DLG2: variants seen among roughly 807,000 people sequenced by gnomAD.
DLG2 encodes discs large MAGUK scaffold protein 2.
A neutral mutation model predicts 132.5 loss-of-function variants in DLG2; 45 were observed. That is an observed-to-expected ratio of 0.34 (90% CI 0.27 to 0.44). DLG2 has a LOEUF of 0.44. DLG2 is among the 20% of genes least tolerant of loss of function. The pLI is 1.00. For synonymous variants in DLG2, 424 were observed against 419.6 expected (o/e 1.01, Z -0.13); for missense variants, 1,045 against 1,196.9 (o/e 0.87, Z 1.87).
At chr11:84,254,803 A>C (rs2097439756) in intron 7 of DLG2, among the ~76,000 whole-genome samples, 1 of 152,218 alleles carries the variant, frequency 6.6e-6, no homozygotes, top group African/African-American at 2.4e-5. Context: ...TTATATGGAA[A>C]GTTTATTATT....
At position 84,367,615 on chromosome 11, in the gene DLG2, A is replaced by G. The variant is rs117917326; in HGVS notation, c.520-116324T>C. Among the ~76,000 whole-genome samples, 219 of 152,228 alleles carry G rather than the reference A, an allele frequency of 1.4e-3. 4 individuals carry two copies. The East Asian group carries it at 0.039, about 27-fold the overall frequency. ...GATTAATGGATTAATGGGTTAGTGA[A>G]GTAATGGGTTATCATGGGAATGGAT... On this transcript the variant is annotated intron_variant, in intron 7 of 27. Coordinates refer to ENST00000376104, the MANE Select transcript of DLG2 (RefSeq NM_001142699.3).
chr11:85,195,994 T>C (rs572449996), intron 4 of DLG2, among the ~76,000 whole-genome samples: 69 of 152,362 alleles, frequency 4.5e-4, no homozygotes, highest in African/African-American at 1.5e-3. Context: ...TATTAACTTT[T>C]TGTGGTAGAA....
At chr11:84,456,744 T>G (rs1202730924) in intron 7 of DLG2, among the ~76,000 whole-genome samples, 1 of 151,308 alleles carries the variant, frequency 6.6e-6, no homozygotes, top group African/African-American at 2.4e-5. Context: ...GTATTTCACT[T>G]ATTTATTTTG....
At chr11:83,729,404 T>A (rs2153697521) in intron 18 of DLG2, among the ~76,000 whole-genome samples, 1 of 152,238 alleles carries the variant, frequency 6.6e-6, no homozygotes, top group Non-Finnish European at 1.5e-5. Context: ...GCATACAATC[T>A]CCGTGTGGGA....
chr11:85,383,640 C>T (rs138845373), intron 3 of DLG2, among the ~76,000 whole-genome samples: 152 of 152,192 alleles, frequency 1.0e-3, no homozygotes, highest in African/African-American at 3.4e-3. Flanking sequence ...CGTCAACTAT[C>T]CGGCATAACC....
At chr11:84,057,429 A>G (rs981673314) in intron 11 of DLG2, among the ~76,000 whole-genome samples, 6 of 151,950 alleles carry the variant, frequency 3.9e-5, no homozygotes, top group Admixed American at 3.9e-4. Context: ...AATAATGGGT[A>G]TGGCCATTTT....
intron 5 of DLG2, among the ~76,000 whole-genome samples, chr11:85,149,148 G>A (rs1321512062): frequency 1.3e-5 from 2 of 152,108 alleles, no homozygotes; most frequent in Non-Finnish European, 2.9e-5. Flanking sequence ...TTTGGCTACT[G>A]TAGGCTTGTA....
intron 6 of DLG2, among the ~76,000 whole-genome samples, chr11:84,615,392 C>T (rs1191306799): frequency 6.6e-6 from 1 of 152,048 alleles, no homozygotes; most frequent in Admixed American, 6.6e-5. Context: ...TGCTCTTGGT[C>T]ACCTGAAATG....
At chr11:85,345,964 G>A (rs992215438) in intron 3 of DLG2, among the ~76,000 whole-genome samples, 9 of 152,138 alleles carry the variant, frequency 5.9e-5, no homozygotes, top group African/African-American at 1.9e-4. Context: ...GACCCCAAAA[G>A]AGGGTTCTTG....
intron 15 of DLG2, among the ~76,000 whole-genome samples, chr11:83,880,889 A>G (rs1044591257): frequency 7.9e-5 from 12 of 152,184 alleles, no homozygotes; most frequent in Non-Finnish European, 1.0e-4. Context: ...TATTCCTTGC[A>G]TCTTCAACCC....
chr11:84,063,846 A>G (rs1309528203), intron 10 of DLG2, among the ~76,000 whole-genome samples: 1 of 152,064 alleles, frequency 6.6e-6, no homozygotes, highest in Non-Finnish European at 1.5e-5. Flanking sequence ...CATCAATCTC[A>G]GCAAACTATC....
At chr11:84,653,442 A>T (rs2099684519) in intron 6 of DLG2, among the ~76,000 whole-genome samples, 2 of 152,182 alleles carry the variant, frequency 1.3e-5, no homozygotes, top group Admixed American at 1.3e-4. Context: ...TTACATAGTC[A>T]GTTATTTGAA....
chr11:84,183,414 G>T (rs1251982162), intron 8 of DLG2, among the ~76,000 whole-genome samples: 1 of 151,974 alleles, frequency 6.6e-6, no homozygotes, highest in African/African-American at 2.4e-5. Flanking sequence ...TGGGGAGGAG[G>T]TGTATGGGAA....
At chr11:84,004,998 C>T (rs768429958) in intron 11 of DLG2, among the ~76,000 whole-genome samples, 12 of 142,154 alleles carry the variant, frequency 8.4e-5, no homozygotes, top group South Asian at 2.2e-4. Flanking sequence ...CAAAAACAAA[C>T]GAACAAAAAT....
intron 4 of DLG2, among the ~76,000 whole-genome samples, chr11:85,163,841 A>G (rs1339474056): frequency 6.6e-6 from 1 of 152,156 alleles, no homozygotes; most frequent in Non-Finnish European, 1.5e-5. Context: ...ACCCTCCTAC[A>G]TTCTTTGGCT....
At chr11:84,774,120 T>G (rs762967314) in intron 6 of DLG2, among the ~76,000 whole-genome samples, 1 of 152,100 alleles carries the variant, frequency 6.6e-6, no homozygotes, top group Non-Finnish European at 1.5e-5. Context: ...AAAAATTCAG[T>G]AGAATTTGTA....
At chr11:84,219,961 G>C (rs1315923557) in intron 8 of DLG2, among the ~76,000 whole-genome samples, 1 of 152,180 alleles carries the variant, frequency 6.6e-6, no homozygotes, top group East Asian at 1.9e-4. Context: ...CAAAGAAGCA[G>C]CACAGGCAAA....
At chr11:85,114,653 A>C (rs2073283834) in intron 5 of DLG2, among the ~76,000 whole-genome samples, 1 of 151,960 alleles carries the variant, frequency 6.6e-6, no homozygotes, top group African/African-American at 2.4e-5. Flanking sequence ...TCTGTTTCTC[A>C]CTTTAGAATC....
chr11:84,786,527 T>C (rs1004519353), intron 6 of DLG2, among the ~76,000 whole-genome samples: 1 of 152,176 alleles, frequency 6.6e-6, no homozygotes, highest in East Asian at 1.9e-4. Flanking sequence ...ATAACAAGCT[T>C]CTAAGATAGA....
Sources: gnomAD v4.1 joint callset for allele counts (sites outside exome capture counted in the v4.1 genomes callset) on GRCh38, gnomAD v4.1.1 for gene constraint, MANE v1.5 for transcripts, NCBI Gene and HGNC (gene_info 2026-07-23, HGNC 2026-07-21) for gene names.